The following KIAA1549 variants were observed in gnomAD, a reference collection of about 807,000 sequenced individuals.
KIAA1549 encodes the protein KIAA1549, also known as UPF0606 protein KIAA1549.
A neutral mutation model predicts 156.4 loss-of-function variants in KIAA1549; 70 were observed. The ratio of observed to expected loss-of-function variants is 0.45; its 90% CI spans 0.37 to 0.55. The LOEUF (loss-of-function observed/expected upper bound fraction) is 0.55, where lower values mean the gene tolerates loss of function less well. Among genes scored for constraint, KIAA1549 ranks in the 20% least tolerant of loss-of-function variants. The probability of loss-of-function intolerance (pLI) is 0.00; values close to 1 mark genes in which losing one functional copy is unlikely to be tolerated. For synonymous variants in KIAA1549, 1,103 were observed against 1,066.4 expected (o/e 1.03, Z -0.67); for missense variants, 2,428 against 2,540.9 (o/e 0.96, Z 0.96).
Position 138,876,894 on chromosome 7 carries a change from C to T in KIAA1549, c.4345+2644G>A, listed in dbSNP as rs76666818. Among the ~76,000 whole-genome samples the T allele has an allele frequency of 2.1e-3, 321 of 152,302 alleles. 4 individuals carry two copies. Among genetic ancestry groups the T allele is most frequent in the African/African-American group, 7.5e-3 (310 of 41,566 alleles). ...GGCCTAGTCACCTTCCAAAAACAGT[C>T]AGCTGGAAAAGGAATAAAGCACAAC... On this transcript the variant is annotated intron_variant, in intron 12 of 19. Coordinates refer to ENST00000422774, the MANE Select transcript of KIAA1549 (RefSeq NM_001164665.2).
intron 1 of KIAA1549, among the ~76,000 whole-genome samples, chr7:138,957,118 A>G (rs1813688075): frequency 6.6e-6 from 1 of 152,226 alleles, no homozygotes; most frequent in South Asian, 2.1e-4. Context: ...AGCATGTGCA[A>G]AGGCACAGGG....
At chr7:138,928,112 G>A (rs865857724) in intron 1 of KIAA1549, among the ~76,000 whole-genome samples, 3 of 149,520 alleles carry the variant, frequency 2.0e-5, no homozygotes, top group African/African-American at 4.9e-5. Flanking sequence ...TAGTGGAGAC[G>A]GGGTTTCACA....
intron 1 of KIAA1549, among the ~76,000 whole-genome samples, chr7:138,956,157 G>A (rs1265576097): frequency 4.6e-5 from 7 of 152,204 alleles, no homozygotes; most frequent in African/African-American, 1.7e-4. Context: ...GCCTCCCAAA[G>A]TCAGCACTGG....
intron 16 of KIAA1549, among the ~76,000 whole-genome samples, chr7:138,859,470 C>T (rs146223394): frequency 1.2e-3 from 177 of 152,140 alleles, no homozygotes; most frequent in African/African-American, 3.9e-3. Flanking sequence ...TTCTGTGTAC[C>T]CATAAACTGA....
Position 138,894,616 on chromosome 7 carries a change from C to T in KIAA1549, c.3848-90G>A, listed in dbSNP as rs922928972. 30 of 1,271,406 alleles carry T rather than the reference C, an allele frequency of 2.4e-5. No individual in the cohort carries two copies. The African/African-American group carries it at 2.8e-4, about 12-fold the overall frequency. 78.8% of individuals were successfully genotyped at this position (1,271,406 alleles called of 1,614,324 possible). ...TCTTCTATGAGAAACTCAGAAGTCCCTGACATTCCAGCTCAAGATAGCTGG... is the reference window on the plus strand; with the variant it reads ...TCTTCTATGAGAAACTCAGAAGTCCTTGACATTCCAGCTCAAGATAGCTGG... On this transcript the variant is annotated intron_variant, in intron 9 of 19. Transcript: ENST00000422774.
At position 138,833,348 on chromosome 7, in the gene KIAA1549, C is replaced by T. The variant is rs1316984242; in HGVS notation, c.*4558G>A. ...GAATTACTGCCAATGCACTGCAAAT[C>T]AGTGTCCGAATGACTGGCTTGGTCA... On this transcript the variant is annotated 3_prime_UTR_variant, in exon 20 of 20. Coordinates refer to ENST00000422774, the MANE Select transcript of KIAA1549 (RefSeq NM_001164665.2). 4.3e-6 allele frequency: 1 copy of T among 232,666 alleles called. No individual in the cohort carries two copies. The highest frequency in any genetic ancestry group is 1.8e-4 in the South Asian group (1 of 5,518). The allele number at this position is 232,666 out of a possible 1,614,324, so 14.4% of individuals were successfully genotyped here. A position where few individuals can be genotyped will look rare whatever the true frequency, so the allele number is the denominator to read the frequency against.
Position 138,881,588 on chromosome 7 carries a change from A to C in KIAA1549, c.4033-4T>G. The C allele has an allele frequency of 1.2e-6, 2 of 1,609,786 alleles. No individual in the cohort carries two copies. Among genetic ancestry groups the C allele is most frequent in the East Asian group, 2.2e-5 (1 of 44,822 alleles). Reference sequence around the variant, plus strand: ...CCTTCACACTAGGGATCTGCAGCTGAAACATACACACACACAAACAAGATT... The same window carrying C: ...CCTTCACACTAGGGATCTGCAGCTGCAACATACACACACACAAACAAGATT... On this transcript the variant is annotated splice_region_variant and splice_polypyrimidine_tract_variant and intron_variant, in intron 10 of 19. Transcript: ENST00000422774.
chr7:138,922,004 A>G (rs10279875), intron 1 of KIAA1549, among the ~76,000 whole-genome samples: 76,538 of 152,192 alleles, frequency 0.5, 22,793 homozygotes, highest in African/African-American at 0.85. Flanking sequence ...GCAAATCACC[A>G]GCAGCTAGGG....
intron 1 of KIAA1549, among the ~76,000 whole-genome samples, chr7:138,970,922 G>A (rs955713085): frequency 9.4e-6 from 1 of 105,964 alleles, no homozygotes; most frequent in Non-Finnish European, 1.9e-5. Flanking sequence ...AAGTGATGAA[G>A]GGTTCCTTCC....
chr7:138,854,339 G>A (rs755561992), intron 16 of KIAA1549, among the ~76,000 whole-genome samples: 6 of 152,090 alleles, frequency 3.9e-5, no homozygotes, highest in East Asian at 1.9e-4. Context: ...CTCAGCCCAG[G>A]GATTTGTACT....
At chr7:138,906,564 C>T (rs1242223421) in intron 6 of KIAA1549, among the ~76,000 whole-genome samples, 5 of 152,176 alleles carry the variant, frequency 3.3e-5, no homozygotes, top group Non-Finnish European at 7.3e-5. Flanking sequence ...GAATGGAAAA[C>T]CAAACATCGT....
rs537853046 is a variant in KIAA1549 at position 138,852,009 on chromosome 7, T to A, written c.5294+214A>T. ...TCTTGTTCAGCTTTTCCAGTTGTCCTCAGCAGGAGAGTTGGTCCAAATTAC... is the reference window on the plus strand; with the variant it reads ...TCTTGTTCAGCTTTTCCAGTTGTCCACAGCAGGAGAGTTGGTCCAAATTAC... On this transcript the variant is annotated intron_variant, in intron 17 of 19. Transcript: ENST00000422774. Among the ~76,000 whole-genome samples the A allele has an allele frequency of 4.6e-5, 7 of 152,352 alleles. No homozygotes were observed. In the East Asian group the frequency reaches 1.3e-3, roughly 29 times the overall value.
At chr7:138,979,983 G>C (rs1814496649) in intron 1 of KIAA1549, among the ~76,000 whole-genome samples, 1 of 152,162 alleles carries the variant, frequency 6.6e-6, no homozygotes, top group Non-Finnish European at 1.5e-5. Context: ...TGCTTCTATT[G>C]TACCATCCCC....
chr7:138,892,545 C>T (rs1811572818), intron 10 of KIAA1549, among the ~76,000 whole-genome samples: 1 of 152,222 alleles, frequency 6.6e-6, no homozygotes, highest in Admixed American at 6.5e-5. Context: ...ACCAGTATAA[C>T]AAGAACAACA....
intron 9 of KIAA1549, among the ~76,000 whole-genome samples, chr7:138,895,335 G>A (rs773746618): frequency 3.3e-5 from 5 of 152,216 alleles, no homozygotes; most frequent in East Asian, 3.8e-4. Flanking sequence ...GCTGATGTTC[G>A]TAGCAGCGCT....
At position 138,931,900 on chromosome 7, in the gene KIAA1549, T is replaced by C. The variant is rs577520207; in HGVS notation, c.188-12462A>G. ...GTCACTAAAAGGCATTATGTTACTC[T>C]TCCATGTTGTCTTCTAATAGTTTTA... On this transcript the variant is annotated intron_variant, in intron 1 of 19. Coordinates refer to ENST00000422774, the MANE Select transcript of KIAA1549 (RefSeq NM_001164665.2). Among the ~76,000 whole-genome samples the C allele has an allele frequency of 9.6e-4, 147 of 152,344 alleles. 1 individual carries two copies. Among genetic ancestry groups the C allele is most frequent in the African/African-American group, 3.5e-3 (144 of 41,588 alleles).
At chr7:138,905,957 G>C (rs535218162) in intron 6 of KIAA1549, among the ~76,000 whole-genome samples, 1 of 152,274 alleles carries the variant, frequency 6.6e-6, no homozygotes, top group East Asian at 1.9e-4. Context: ...ACTGCCTTCT[G>C]CTACCCTTTT....
At chr7:138,947,340 T>C (rs1170270924) in intron 1 of KIAA1549, among the ~76,000 whole-genome samples, 2 of 152,110 alleles carry the variant, frequency 1.3e-5, no homozygotes, top group Non-Finnish European at 2.9e-5. Context: ...CAACCACCCC[T>C]TTACAAATGA....
At position 138,905,400 on chromosome 7, in the gene KIAA1549, G is replaced by A. The variant is rs887815207; in HGVS notation, c.3461-319C>T. On this transcript the variant is annotated intron_variant, in intron 6 of 19. Transcript: ENST00000422774. ...TTCACACCGTGCCCCTCAGAGCCCT[G>A]GCTTTCCCAGCAAGGTCTCAGGGTA... 2.6e-5 allele frequency among the ~76,000 whole-genome samples: 4 copies of A among 152,306 alleles called. No homozygotes were observed. In the South Asian group the frequency reaches 6.2e-4, roughly 24 times the overall value.
Sources: gnomAD v4.1 joint callset for allele counts (sites outside exome capture counted in the v4.1 genomes callset) on GRCh38, gnomAD v4.1.1 for gene constraint, MANE v1.5 for transcripts, NCBI Gene and HGNC (gene_info 2026-07-23, HGNC 2026-07-21) for gene names.